ATP2B2: variants seen among roughly 807,000 people sequenced by gnomAD.
ATP2B2 encodes the protein ATPase plasma membrane Ca2+ transporting 2.
In ATP2B2, 15 loss-of-function variants were observed where a neutral mutation model predicts 120.0. The ratio of observed to expected loss-of-function variants is 0.12; its 90% CI spans 0.08 to 0.19. ATP2B2 has a LOEUF of 0.19. ATP2B2 is among the 10% of genes least tolerant of loss of function. The probability of loss-of-function intolerance (pLI) is 1.00; values close to 1 mark genes in which losing one functional copy is unlikely to be tolerated. For missense variants in ATP2B2, 1,045 were observed against 1,719.8 expected, an observed-to-expected ratio of 0.61 and a Z score of 6.94; for synonymous variants, 694 against 700.3, an observed-to-expected ratio of 0.99 and a Z score of 0.14.
intron 1 of ATP2B2, among the ~76,000 whole-genome samples, chr3:10,484,456 C>T (rs2065549610): frequency 6.6e-6 from 1 of 152,252 alleles, no homozygotes; most frequent in East Asian, 1.9e-4. Flanking sequence ...CCCCCACAGC[C>T]ACCTCACTGC....
chr3:10,371,001 C>G (rs2061224674), intron 12 of ATP2B2, among the ~76,000 whole-genome samples: 1 of 152,182 alleles, frequency 6.6e-6, no homozygotes, highest in Admixed American at 6.5e-5. Context: ...AATAATATTA[C>G]TACTATTAGC....
At chr3:10,599,807 TG>T (rs1164835013) in intron 2 of ATP2B2, among the ~76,000 whole-genome samples, 1 of 87,594 alleles carries the variant, frequency 1.1e-5, no homozygotes, top group Non-Finnish European at 2.1e-5. Flanking sequence ...TATAAGGGGG[TG>T]GGGGGTGGGG....
intron 1 of ATP2B2, among the ~76,000 whole-genome samples, chr3:10,652,171 T>A (rs2070484877): frequency 6.6e-6 from 1 of 152,160 alleles, no homozygotes; most frequent in African/African-American, 2.4e-5. Flanking sequence ...AGATGTGGCC[T>A]GGCTGGTATA....
At chr3:10,378,544 G>C in intron 9 of ATP2B2, 134 bp from the exon 10 acceptor site, 1 of 1,216,442 alleles carries the variant, frequency 8.2e-7, no homozygotes, top group Non-Finnish European at 1.2e-6. Context: ...ACTGAGCCCC[G>C]CATGGCTGGT....
intron 3 of ATP2B2, among the ~76,000 whole-genome samples, chr3:10,523,211 T>C (rs969660902): frequency 6.6e-6 from 1 of 152,246 alleles, no homozygotes; most frequent in African/African-American, 2.4e-5. Context: ...GTTATGATTT[T>C]GTCTCCATTT....
intron 2 of ATP2B2, among the ~76,000 whole-genome samples, chr3:10,608,781 A>G (rs1385869534): frequency 6.6e-6 from 1 of 152,024 alleles, no homozygotes; most frequent in Non-Finnish European, 1.5e-5. Context: ...CACACCTCAC[A>G]TGGTACTACA....
At chr3:10,543,482 A>G (rs1359176661) in intron 2 of ATP2B2, among the ~76,000 whole-genome samples, 1 of 152,212 alleles carries the variant, frequency 6.6e-6, no homozygotes, top group Non-Finnish European at 1.5e-5. Context: ...TGCAGATGTG[A>G]ATAGGAATCC....
chr3:10,420,930 T>A (rs1411784002), intron 2 of ATP2B2, among the ~76,000 whole-genome samples: 1 of 152,190 alleles, frequency 6.6e-6, no homozygotes, highest in Non-Finnish European at 1.5e-5. Context: ...GCCCGGACCT[T>A]GGGAGTTAGA....
chr3:10,581,016 T>A (rs1162864236), intron 2 of ATP2B2, among the ~76,000 whole-genome samples: 1 of 152,200 alleles, frequency 6.6e-6, no homozygotes, highest in Non-Finnish European at 1.5e-5. Context: ...AGACTTTACA[T>A]GTATTATTTT....
intron 14 of ATP2B2, among the ~76,000 whole-genome samples, chr3:10,351,518 G>A (rs1341211534): frequency 6.6e-6 from 1 of 152,162 alleles, no homozygotes; most frequent in Non-Finnish European, 1.5e-5. Context: ...TTCCCTCCCT[G>A]CACACCCCAC....
At chr3:10,614,404 G>T (rs1001316593) in intron 2 of ATP2B2, among the ~76,000 whole-genome samples, 31 of 152,120 alleles carry the variant, frequency 2.0e-4, no homozygotes, top group African/African-American at 7.5e-4. Context: ...AGGAATCGCT[G>T]TAGGGCTGTA....
At chr3:10,486,728 G>A (rs1375210780) in intron 1 of ATP2B2, among the ~76,000 whole-genome samples, 3 of 152,006 alleles carry the variant, frequency 2.0e-5, no homozygotes, top group Admixed American at 6.6e-5. Flanking sequence ...TGATGATGGT[G>A]ATGATGATGA....
At chr3:10,630,484 C>T (rs897353109) in intron 1 of ATP2B2, among the ~76,000 whole-genome samples, 1 of 152,144 alleles carries the variant, frequency 6.6e-6, no homozygotes, top group African/African-American at 2.4e-5. Flanking sequence ...CATCCATGTC[C>T]CTGCAAAGGA....
chr3:10,326,472 G>A lies in ATP2B2; in HGVS notation c.*2342C>T. 2.7e-6 allele frequency: 1 copy of A among 376,578 alleles called. No individual in the cohort carries two copies. The highest frequency in any genetic ancestry group is 4.7e-6 in the Non-Finnish European group (1 of 212,420). 23.3% of individuals were successfully genotyped at this position (376,578 alleles called of 1,614,324 possible). A position where few individuals can be genotyped will look rare whatever the true frequency, so the allele number is the denominator to read the frequency against. On this transcript the variant is annotated 3_prime_UTR_variant, in exon 23 of 23. Transcript: ENST00000360273. ...CAGCTATCCTGATGTCATGGAACGA[G>A]GTCACGGACACATGACTGATCAAAG...
intron 1 of ATP2B2, among the ~76,000 whole-genome samples, chr3:10,691,513 T>C (rs1209571028): frequency 6.6e-6 from 1 of 152,186 alleles, no homozygotes; most frequent in Non-Finnish European, 1.5e-5. Context: ...TGTGGGGCCC[T>C]AGGGCTTCAC....
At chr3:10,540,324 A>G (rs1377023656) in intron 2 of ATP2B2, among the ~76,000 whole-genome samples, 3 of 152,208 alleles carry the variant, frequency 2.0e-5, no homozygotes, top group African/African-American at 7.2e-5. Flanking sequence ...TTCCTCAAGA[A>G]TCTAGAACTA....
At chr3:10,352,169 T>G (rs1374555420) in intron 14 of ATP2B2, among the ~76,000 whole-genome samples, 1 of 152,196 alleles carries the variant, frequency 6.6e-6, no homozygotes, top group African/African-American at 2.4e-5. Flanking sequence ...TGCCACTCCT[T>G]CAGCCCCCAC....
intron 2 of ATP2B2, among the ~76,000 whole-genome samples, chr3:10,434,227 A>C (rs567784528): frequency 1.3e-5 from 2 of 152,378 alleles, no homozygotes; most frequent in South Asian, 2.1e-4. Flanking sequence ...TTATTATGGA[A>C]TCTCAAATGA....
At chr3:10,541,621 G>C (rs1299186288) in intron 2 of ATP2B2, among the ~76,000 whole-genome samples, 2 of 152,180 alleles carry the variant, frequency 1.3e-5, no homozygotes, top group Non-Finnish European at 2.9e-5. Context: ...ACCGTGGCCA[G>C]AGAAAATACT....
Sources: allele counts gnomAD v4.1 joint callset (sites outside exome capture counted in the v4.1 genomes callset), GRCh38; gene constraint gnomAD v4.1.1; transcripts MANE v1.5; gene names NCBI Gene and HGNC (gene_info 2026-07-23, HGNC 2026-07-21).